IL1RAPL1: variants seen among roughly 807,000 people sequenced by gnomAD.
IL1RAPL1 encodes the protein interleukin-1 receptor accessory protein-like 1.
A neutral mutation model predicts 48.4 loss-of-function variants in IL1RAPL1; 3 were observed. That is an observed-to-expected ratio of 0.06 (90% CI 0.03 to 0.16). The LOEUF is 0.16. Among genes scored for constraint, IL1RAPL1 ranks in the 10% least tolerant of loss-of-function variants. The pLI is 1.00. For missense variants in IL1RAPL1, 349 were observed against 530.6 expected (o/e 0.66, Z 3.36); for synonymous variants, 185 against 187.7 (o/e 0.99, Z 0.12).
chrX:29,437,736 T>C (rs1049712806), intron 5 of IL1RAPL1, among the ~76,000 whole-genome samples: 4 of 110,809 alleles, frequency 3.6e-5, no homozygotes, highest in African/African-American at 1.3e-4. Flanking sequence ...AATTTTCAAT[T>C]ATTGAACCAG....
intron 2 of IL1RAPL1, among the ~76,000 whole-genome samples, chrX:28,826,082 G>T (rs757237476): frequency 8.9e-6 from 1 of 111,741 alleles, no homozygotes; most frequent in African/African-American, 3.2e-5. Context: ...TTTGTTGGTT[G>T]CAAAGTTCTG....
chrX:29,919,884 A>G, intron 7 of IL1RAPL1, 65 bp from the exon 8 acceptor site: 1 of 1,061,679 alleles, frequency 9.4e-7, no homozygotes, highest in Non-Finnish European at 1.3e-6. Flanking sequence ...ATTCATCTAC[A>G]TTTCTTTCTT....
intron 3 of IL1RAPL1, among the ~76,000 whole-genome samples, chrX:29,355,316 A>G (rs986764474): frequency 3.6e-5 from 4 of 112,007 alleles, no homozygotes; most frequent in Non-Finnish European, 3.8e-5. Flanking sequence ...ATCAAATGCC[A>G]TAGAAATAAC....
intron 1 of IL1RAPL1, among the ~76,000 whole-genome samples, chrX:28,601,096 G>A (rs1171358080): frequency 9.0e-6 from 1 of 111,325 alleles, no homozygotes; most frequent in African/African-American, 3.3e-5. Flanking sequence ...AAATTGAATA[G>A]GGATGAACTA....
At chrX:28,862,373 T>C (rs1921969088) in intron 2 of IL1RAPL1, among the ~76,000 whole-genome samples, 1 of 112,210 alleles carries the variant, frequency 8.9e-6, no homozygotes, top group Non-Finnish European at 1.9e-5. Flanking sequence ...TTTAGTTGGA[T>C]CCTGATTTAT....
At chrX:28,889,492 T>A (rs1601945865) in intron 2 of IL1RAPL1, among the ~76,000 whole-genome samples, 1 of 111,816 alleles carries the variant, frequency 8.9e-6, no homozygotes, top group East Asian at 2.8e-4. Context: ...AGTGAAATAG[T>A]TCCACGTGAA....
At chrX:29,032,461 T>G (rs1250941291) in intron 2 of IL1RAPL1, among the ~76,000 whole-genome samples, 1 of 111,697 alleles carries the variant, frequency 9.0e-6, no homozygotes, top group Non-Finnish European at 1.9e-5. Context: ...ACAGCTATCT[T>G]ATAATATGAT....
chrX:29,409,583 ATTG>A (rs1328369761), intron 5 of IL1RAPL1, among the ~76,000 whole-genome samples: 1 of 111,138 alleles, frequency 9.0e-6, no homozygotes, highest in Non-Finnish European at 1.9e-5. Context: ...ATTAACATTT[ATTG>A]TTAAGGTGTA....
chrX:29,018,451 G>A (rs1044595901), intron 2 of IL1RAPL1, among the ~76,000 whole-genome samples: 3 of 111,984 alleles, frequency 2.7e-5, no homozygotes, highest in South Asian at 3.7e-4. Flanking sequence ...TTCAGGAGGA[G>A]CATCTCATCT....
At chrX:29,381,831 AAAATATAT>A (rs1186417010) in intron 3 of IL1RAPL1, among the ~76,000 whole-genome samples, 13 of 25,784 alleles carry the variant, frequency 5.0e-4, no homozygotes, top group East Asian at 1.6e-3. Flanking sequence ...AAAAAAAAAA[AAAATATAT>A]ATATATATAT....
chrX:29,268,628 AAAAAT>A (rs1487905435), intron 2 of IL1RAPL1, among the ~76,000 whole-genome samples: 1 of 112,316 alleles, frequency 8.9e-6, no homozygotes, highest in Non-Finnish European at 1.9e-5. Flanking sequence ...ACTACATTGA[AAAAAT>A]AAAGTAAGAT....
At chrX:29,830,508 G>A (rs1175484327) in intron 6 of IL1RAPL1, among the ~76,000 whole-genome samples, 1 of 105,459 alleles carries the variant, frequency 9.5e-6, no homozygotes, top group African/African-American at 3.5e-5. Flanking sequence ...GGAGTGCAAT[G>A]GGGCAATCTC....
At chrX:29,691,158 CTTTA>C (rs1257394341) in intron 6 of IL1RAPL1, among the ~76,000 whole-genome samples, 1 of 110,749 alleles carries the variant, frequency 9.0e-6, no homozygotes, top group Non-Finnish European at 1.9e-5. Context: ...TTTCTTCTTC[CTTTA>C]TTTATCTTTC....
intron 5 of IL1RAPL1, among the ~76,000 whole-genome samples, chrX:29,597,485 G>A (rs1377337398): frequency 1.8e-5 from 2 of 111,447 alleles, no homozygotes; most frequent in Admixed American, 9.5e-5. Flanking sequence ...TGTTTATCAC[G>A]GATACTGGCT....
At chrX:29,040,203 T>C (rs1236903965) in intron 2 of IL1RAPL1, among the ~76,000 whole-genome samples, 1 of 112,398 alleles carries the variant, frequency 8.9e-6, no homozygotes, top group Non-Finnish European at 1.9e-5. Flanking sequence ...CCTTTTAGTC[T>C]ATGATAGCTT....
intron 2 of IL1RAPL1, among the ~76,000 whole-genome samples, chrX:28,830,614 A>G (rs1921019065): frequency 1.8e-5 from 2 of 111,291 alleles, no homozygotes; most frequent in Admixed American, 1.9e-4. Context: ...GCAATCGCTG[A>G]TTTCAAGTCT....
chrX:28,758,769 A>G (rs901214682), intron 1 of IL1RAPL1, among the ~76,000 whole-genome samples: 1 of 112,004 alleles, frequency 8.9e-6, no homozygotes, highest in Non-Finnish European at 1.9e-5. Context: ...TCCTTTTACT[A>G]TCAGTGAAAA....
intron 1 of IL1RAPL1, among the ~76,000 whole-genome samples, chrX:28,631,655 C>T (rs761002401): frequency 8.9e-6 from 1 of 112,241 alleles, no homozygotes; most frequent in South Asian, 3.7e-4. Flanking sequence ...CTATCCTGTT[C>T]CTAGGTAAAC....
At chrX:29,661,327 A>G (rs978597790) in intron 5 of IL1RAPL1, among the ~76,000 whole-genome samples, 1 of 112,126 alleles carries the variant, frequency 8.9e-6, no homozygotes, top group Admixed American at 9.4e-5. Context: ...CTATTGCCTA[A>G]TTGTTTTTAC....
Sources: gnomAD v4.1 joint callset for allele counts (sites outside exome capture counted in the v4.1 genomes callset) on GRCh38, gnomAD v4.1.1 for gene constraint, MANE v1.5 for transcripts, NCBI Gene and HGNC (gene_info 2026-07-23, HGNC 2026-07-21) for gene names.